SH2B1: variants seen among roughly 807,000 people sequenced by gnomAD.
SH2B1 encodes the protein SH2B adapter protein 1.
SH2B1 carries 15 observed loss-of-function variants against 62.6 expected under a neutral mutation model. That is an observed-to-expected ratio of 0.24 (90% confidence interval 0.16 to 0.37). The LOEUF (loss-of-function observed/expected upper bound fraction) is 0.37. SH2B1 is among the 10% of genes least tolerant of loss of function. SH2B1 has a pLI of 1.00. For synonymous variants in SH2B1, 443 were observed against 438.0 expected (o/e 1.01, Z -0.14); for missense variants, 925 against 1,015.6 (o/e 0.91, Z 1.21).
rs1159248761 is a variant in SH2B1, at chr16:28,863,923, T to C, written c.-2172T>C. The C allele has an allele frequency of 6.7e-7, 1 of 1,484,706 alleles. No individual in the cohort carries two copies. The highest frequency in any genetic ancestry group is 2.4e-4 in the Middle Eastern group (1 of 4,162). 92.0% of individuals were successfully genotyped at this position (1,484,706 alleles called of 1,614,324 possible). A position where few individuals can be genotyped will look rare whatever the true frequency, so the allele number is the denominator to read the frequency against. ...CCGCCGCCGCCGCCGCCGCCGGAGC[T>C]AACCTCGGGGACCGAGATGCAGGTG... On this transcript the variant is annotated 5_prime_UTR_variant, in exon 1 of 8. Coordinates refer to ENST00000684370, the MANE Select transcript of SH2B1 (RefSeq NM_001387430.1).
chr16:28,869,510 A>AC, intron 4 of SH2B1, 127 bp downstream of exon 4: 2 of 789,174 alleles, frequency 2.5e-6, no homozygotes, highest in Non-Finnish European at 3.9e-6. Flanking sequence ...CCCTACCCCA[A>AC]CCCCACCAAA....
chr16:28,873,620 G>C lies in SH2B1; in HGVS notation c.2071G>C (p.Glu691Gln), dbSNP rs993070160. 6.5e-7 allele frequency: 1 copy of C among 1,545,156 alleles called. No individual in the cohort carries two copies. ...EKAGGGGVPE[E>Q]LVPVVELVPV... ...AGCGGGCGGTGGAGGGGTCCCGGAA[G>C]AGCTGGTCCCCGTGGTTGAGCTGGT... The change falls in exon 8 of 8, where the codon GAG (glutamate) becomes CAG (glutamine). Residue 691 changes from glutamate to glutamine, a missense_variant. Around this residue, in one of 3 missense-constraint regions of SH2B1, gnomAD observed 185 missense variants for 189.5 expected, o/e 0.98. Coordinates refer to ENST00000684370, the MANE Select transcript of SH2B1 (RefSeq NM_001387430.1). This position sits in a 1 kb window ranked among gnomAD's most constrained non-coding sequence, Gnocchi z 4.2.
At chr16:28,849,693 G>A (rs961648777) in intron 1 of SH2B1, among the ~76,000 whole-genome samples, 4 of 152,120 alleles carry the variant, frequency 2.6e-5, no homozygotes, top group East Asian at 1.9e-4. Context: ...TTGGGAGGTC[G>A]AGGCAGGCGG....
rs578108343 is a variant in SH2B1, at chr16:28,864,256, C to T, written c.-1839C>T. On this transcript the variant is annotated 5_prime_UTR_variant, in exon 1 of 8. Transcript: ENST00000684370. ...CCCTTCGGGAAATATCAGAACTGAGCCAGGAGGCAGGTGCACCGGGAAAAT... is the reference window on the plus strand; with the variant it reads ...CCCTTCGGGAAATATCAGAACTGAGTCAGGAGGCAGGTGCACCGGGAAAAT... The T allele has an allele frequency of 9.9e-7, 1 of 1,006,856 alleles. No individual in the cohort carries two copies. Among genetic ancestry groups the T allele is most frequent in the Non-Finnish European group, 1.2e-6 (1 of 842,928 alleles). The allele number at this position is 1,006,856 out of a possible 1,614,324, so 62.4% of individuals were successfully genotyped here. A position where few individuals can be genotyped will look rare whatever the true frequency, so the allele number is the denominator to read the frequency against.
chr16:28,872,252 C>T lies in SH2B1; in HGVS notation c.1576C>T (p.Pro526Ser). The stretch of plus-strand genomic sequence containing the variant: ...GGGGGACCAGCCCCTCTCAGGGTAT[C>T]CTTGGTTCCACGGGATGCTCTCTCG... ...GEGDQPLSGY[P>S]WFHGMLSRLK... Residue 526 changes from proline (P) to serine (S), a missense_variant, in exon 6 of 8, where the codon CCT becomes TCT. Physicochemically the swap from Pro to Ser is moderately conservative, Grantham distance 74. Around this residue, in one of 3 missense-constraint regions of SH2B1, gnomAD observed 683 missense variants for 704.0 expected, o/e 0.97. Coordinates refer to ENST00000684370, the MANE Select transcript of SH2B1 (RefSeq NM_001387430.1). This position sits in a 1 kb window ranked among gnomAD's most constrained non-coding sequence, Gnocchi z 5.3. 2 of 1,613,930 alleles carry T rather than the reference C, an allele frequency of 1.2e-6. No individual in the cohort carries two copies. Among genetic ancestry groups the T allele is most frequent in the East Asian group, 2.2e-5 (1 of 44,884 alleles).
In SH2B1 at chr16:28,873,729, C is replaced by T; in HGVS notation, c.2180C>T (p.Pro727Leu). The T allele has an allele frequency of 6.7e-7, 1 of 1,491,802 alleles. No homozygotes were observed. Among genetic ancestry groups the T allele is most frequent in the Non-Finnish European group, 8.9e-7 (1 of 1,119,738 alleles). 92.4% of individuals were successfully genotyped at this position (1,491,802 alleles called of 1,614,324 possible). Reference sequence around the variant, plus strand: ...TCTGGTGGGGACGCGGGGGTGCCCCCAATGGTGCAGCTGCAGCAGTCACCA... The same window carrying T: ...TCTGGTGGGGACGCGGGGGTGCCCCTAATGGTGCAGCTGCAGCAGTCACCA... Reference protein sequence around the residue: ...AGSGGDAGVPPMVQLQQSPLG... With the variant: ...AGSGGDAGVPLMVQLQQSPLG... Residue 727 changes from proline (P) to leucine (L), a missense_variant, in exon 8 of 8, where the codon CCA becomes CTA. By Grantham distance (98) the Pro-to-Leu change is moderately conservative. Around this residue, in one of 3 missense-constraint regions of SH2B1, gnomAD observed 185 missense variants for 189.5 expected, o/e 0.98. Transcript: ENST00000684370. The surrounding 1 kb of genome is among the most constrained non-coding windows in gnomAD (Gnocchi z 4.2).
At chr16:28,853,027 T>TATATAAATATATATGTAC (rs1962225811) in intron 1 of SH2B1, among the ~76,000 whole-genome samples, 1 of 98,724 alleles carries the variant, frequency 1.0e-5, no homozygotes, top group African/African-American at 5.2e-5. Context: ...TATATGTACA[T>TATATAAATATATATGTAC]ATATATGTAC....
At chr16:28,871,553 T>A (rs966363436) in intron 4 of SH2B1, among the ~76,000 whole-genome samples, 1 of 152,222 alleles carries the variant, frequency 6.6e-6, no homozygotes, top group Non-Finnish European at 1.5e-5. Context: ...TGGAGACACA[T>A]TGGGACTTTA....
chr16:28,852,436 T>TTA lies in SH2B1; in HGVS notation c.-301+5619_-301+5620dup, dbSNP rs367937250. On this transcript the variant is annotated intron_variant, in intron 1 of 10. Transcript: ENST00000322610. ...TATATTTATATATTTACATATATAT[T>TTA]TATATATATATTTACATATATATTT... is the stretch of plus-strand genomic sequence containing the variant. 4.5e-4 allele frequency among the ~76,000 whole-genome samples: 23 copies of TTA among 51,360 alleles called. 6 individuals carry two copies. The highest frequency in any genetic ancestry group is 2.9e-4 in the Admixed American group (1 of 3,500). The allele number at this position is 51,360 out of a possible 152,430, so 33.7% of individuals were successfully genotyped here. A position where few individuals can be genotyped will look rare whatever the true frequency, so the allele number is the denominator to read the frequency against.
At position 28,852,303 on chromosome 16, in the gene SH2B1, C is replaced by CAT. The variant is rs1227187378; in HGVS notation, c.-301+5485_-301+5486dup. On this transcript the variant is annotated intron_variant, in intron 1 of 10. Coordinates refer to the SH2B1 transcript ENST00000322610. ...ATATATATTTACATATATATATTTACATATATATATTTACATATATATATT... is the reference window on the plus strand; with the variant it reads ...ATATATATTTACATATATATATTTACATATATATATATTTACATATATATATT... 9.4e-5 allele frequency among the ~76,000 whole-genome samples: 5 copies of CAT among 53,028 alleles called. 1 individual carries two copies. Among genetic ancestry groups the CAT allele is most frequent in the African/African-American group, 3.0e-4 (4 of 13,318 alleles). 34.8% of individuals were successfully genotyped at this position (53,028 alleles called of 152,430 possible).
chr16:28,861,378 G>A (rs564087963), upstream of SH2B1, among the ~76,000 whole-genome samples: 9 of 151,950 alleles, frequency 5.9e-5, no homozygotes, highest in East Asian at 1.4e-3. Context: ...TGATGCGCCC[G>A]CCTCAGCCTC....
chr16:28,873,609 G>A lies in SH2B1; in HGVS notation c.2060G>A (p.Gly687Glu). The part of the protein sequence containing the change: ...RQEKEKAGGG[G>E]VPEELVPVVE... The stretch of plus-strand genomic sequence containing the variant: ...GAGAAAGAGAAAGCGGGCGGTGGAG[G>A]GGTCCCGGAAGAGCTGGTCCCCGTG... Residue 687 changes from glycine (G) to glutamate (E), a missense_variant, in exon 8 of 8, where the codon GGG (glycine) becomes GAG (glutamate). Gly to Glu is a moderately conservative substitution (Grantham distance 98). This residue lies in a region of SH2B1 where 185 missense variants were observed against 189.5 expected (regional missense o/e 0.98). Transcript: ENST00000684370. The surrounding 1 kb of genome is among the most constrained non-coding windows in gnomAD (Gnocchi z 4.2). 6.4e-7 allele frequency: 1 copy of A among 1,551,126 alleles called. No homozygotes were observed. The highest frequency in any genetic ancestry group is 2.4e-5 in the East Asian group (1 of 41,084).
At chr16:28,863,667 G>A, upstream of SH2B1, 2 of 1,532,060 alleles carry the variant, frequency 1.3e-6, no homozygotes, top group Non-Finnish European at 1.7e-6. Context: ...GTCGCTTTTA[G>A]GTGCAACTGG....
At chr16:28,861,000 T>G (rs187087212), upstream of SH2B1, among the ~76,000 whole-genome samples, 112 of 151,762 alleles carry the variant, frequency 7.4e-4, no homozygotes, top group African/African-American at 2.6e-3. Flanking sequence ...ATATTTTTGG[T>G]AGAGATGAGG....
chr16:28,869,517 C>A, intron 4 of SH2B1, 134 bp downstream of exon 4: 1 of 756,394 alleles, frequency 1.3e-6, no homozygotes, highest in Non-Finnish European at 2.1e-6. Context: ...CCAACCCCAC[C>A]AAATGTTGGT....
intron 1 of SH2B1, among the ~76,000 whole-genome samples, chr16:28,858,835 G>A (rs1488102445): frequency 6.6e-6 from 1 of 151,304 alleles, no homozygotes; most frequent in Non-Finnish European, 1.5e-5. Context: ...AGCTATTCGG[G>A]AGGCTGAGGC....
intron 1 of SH2B1, among the ~76,000 whole-genome samples, chr16:28,852,567 T>C (rs370942021): frequency 2.7e-5 from 1 of 37,436 alleles, no homozygotes; most frequent in African/African-American, 1.7e-4. Context: ...TTTATATATA[T>C]ACACATATAT....
Position 28,873,041 on chromosome 16 carries a change from G to A in SH2B1, c.1897+336G>A. On this transcript the variant is annotated intron_variant, in intron 7 of 7. Coordinates refer to ENST00000684370, the MANE Select transcript of SH2B1 (RefSeq NM_001387430.1). This position sits in a 1 kb window ranked among gnomAD's most constrained non-coding sequence, Gnocchi z 4.2. Reference sequence around the variant, plus strand: ...GCCCTCCGTCGCAGCCTGGCCTTGGGCCTGCCCTTCCCGGGGACACTCGGT... The same window carrying A: ...GCCCTCCGTCGCAGCCTGGCCTTGGACCTGCCCTTCCCGGGGACACTCGGT... The A allele has an allele frequency of 1.4e-6, 1 of 709,602 alleles. No homozygotes were observed. The highest frequency in any genetic ancestry group is 2.3e-6 in the Non-Finnish European group (1 of 433,158). The allele number at this position is 709,602 out of a possible 1,614,324, so 44.0% of individuals were successfully genotyped here.
At position 28,863,967 on chromosome 16, in the gene SH2B1, CCCTCTTCAAGTA is replaced by C; in HGVS notation, c.-2124_-2113del. 6.9e-7 allele frequency: 1 copy of C among 1,443,780 alleles called. No individual in the cohort carries two copies. The highest frequency in any genetic ancestry group is 9.1e-7 in the Non-Finnish European group (1 of 1,104,964). The allele number at this position is 1,443,780 out of a possible 1,614,324, so 89.4% of individuals were successfully genotyped here. The stretch of plus-strand genomic sequence containing the variant: ...GCAGGTGGGACCGGAACCGGAACCC[CCCTCTTCAAGTA>C]CCTTTTCCCTCTCCGCGACCCGGCC... On this transcript the variant is annotated 5_prime_UTR_variant, in exon 1 of 8. Coordinates refer to ENST00000684370, the MANE Select transcript of SH2B1 (RefSeq NM_001387430.1).
Sources: gnomAD v4.1 joint callset for allele counts (sites outside exome capture counted in the v4.1 genomes callset) on GRCh38, gnomAD v4.1.1 for gene constraint, gnomAD v4.1.1 regional missense constraint, Gnocchi (gnomAD v3.1) non-coding constraint, MANE v1.5 for transcripts, NCBI Gene and HGNC (gene_info 2026-07-23, HGNC 2026-07-21) for gene names.